FLRT2: variants seen among roughly 807,000 people sequenced by gnomAD.
FLRT2 encodes the protein leucine-rich repeat transmembrane protein FLRT2.
In FLRT2, 15 loss-of-function variants were observed where a neutral mutation model predicts 40.0. That is an observed-to-expected ratio of 0.38 (90% CI 0.25 to 0.58). The LOEUF is 0.58. Ranked by LOEUF, FLRT2 falls within the 20% of genes least tolerant of loss-of-function variation. The probability of loss-of-function intolerance (pLI) is 0.71; values close to 1 mark genes in which losing one functional copy is unlikely to be tolerated. For missense variants in FLRT2, 726 were observed against 840.0 expected, an observed-to-expected ratio of 0.86 and a Z score of 1.68; for synonymous variants, 380 against 336.8, an observed-to-expected ratio of 1.13 and a Z score of -1.41.
chr14:85,548,944 G>A (rs181489131), intron 1 of FLRT2, among the ~76,000 whole-genome samples: 15 of 152,322 alleles, frequency 9.8e-5, no homozygotes, highest in African/African-American at 3.4e-4. Context: ...CAGAAGAGAA[G>A]AAGTAGCTGG....
At chr14:85,566,283 G>A (rs1435986548) in intron 1 of FLRT2, among the ~76,000 whole-genome samples, 2 of 152,112 alleles carry the variant, frequency 1.3e-5, no homozygotes, top group African/African-American at 4.8e-5. Flanking sequence ...CCACACATGC[G>A]TGGGTCAGGG....
chr14:85,533,739 C>A (rs111276436), intron 1 of FLRT2, among the ~76,000 whole-genome samples: 1 of 151,890 alleles, frequency 6.6e-6, no homozygotes, highest in Non-Finnish European at 1.5e-5. Flanking sequence ...CCGTAGGGGA[C>A]GTAGGCGAGA....
In FLRT2 at chr14:85,555,650, C is replaced by T. The variant is rs184767259; in HGVS notation, c.-377+25116C>T. ...GGTTTGGGTGGGCACACAGCCTAAC[C>T]GTATCAAGCAGTTTAACTATTTCTC... is the stretch of plus-strand genomic sequence containing the variant. On this transcript the variant is annotated intron_variant, in intron 1 of 1. Coordinates refer to ENST00000330753, the MANE Select transcript of FLRT2 (RefSeq NM_013231.6). Among the ~76,000 whole-genome samples the T allele has an allele frequency of 6.1e-3, 927 of 151,168 alleles. 9 individuals carry two copies. Among genetic ancestry groups the T allele is most frequent in the African/African-American group, 0.021 (885 of 41,362 alleles).
chr14:85,596,932 A>C (rs1892165627), intron 1 of FLRT2, among the ~76,000 whole-genome samples: 2 of 152,222 alleles, frequency 1.3e-5, no homozygotes, highest in Admixed American at 1.3e-4. Context: ...CGTCAAAGTC[A>C]AGGTGAAAGC....
chr14:85,609,939 C>G (rs898892137), intron 1 of FLRT2, among the ~76,000 whole-genome samples: 35 of 152,186 alleles, frequency 2.3e-4, no homozygotes, highest in African/African-American at 8.2e-4. Context: ...CAATGGTTTT[C>G]TTCACCACAC....
At chr14:85,599,710 T>C (rs2746996) in intron 1 of FLRT2, among the ~76,000 whole-genome samples, 25,290 of 152,138 alleles carry the variant, frequency 0.17, 2,658 homozygotes, top group East Asian at 0.54. Context: ...CCTCCCCCCG[T>C]CTTTCCTTCT....
intron 1 of FLRT2, among the ~76,000 whole-genome samples, chr14:85,620,804 G>A (rs1398881034): frequency 6.6e-6 from 1 of 152,116 alleles, no homozygotes; most frequent in African/African-American, 2.4e-5. Context: ...TGATTGAGTG[G>A]ATTCAGCAGT....
chr14:85,570,661 A>G (rs1202056928), intron 1 of FLRT2, among the ~76,000 whole-genome samples: 3 of 151,446 alleles, frequency 2.0e-5, no homozygotes, highest in African/African-American at 7.3e-5. Flanking sequence ...GGCTCACTGC[A>G]AGCTCTGCCT....
chr14:85,605,642 C>T (rs1456276224), intron 1 of FLRT2, among the ~76,000 whole-genome samples: 1 of 152,028 alleles, frequency 6.6e-6, no homozygotes. Flanking sequence ...TGGTGGCGGG[C>T]ACCTGTAGTC....
intron 1 of FLRT2, among the ~76,000 whole-genome samples, chr14:85,572,896 G>A (rs1890955632): frequency 6.6e-6 from 1 of 152,042 alleles, no homozygotes; most frequent in Admixed American, 6.6e-5. Flanking sequence ...TGTGGAACCT[G>A]GATTTGAACA....
At chr14:85,575,532 G>A (rs948222984) in intron 1 of FLRT2, among the ~76,000 whole-genome samples, 2 of 152,146 alleles carry the variant, frequency 1.3e-5, no homozygotes, top group Non-Finnish European at 2.9e-5. Flanking sequence ...AGACACAGTG[G>A]TGATCCCAGG....
intron 1 of FLRT2, among the ~76,000 whole-genome samples, chr14:85,534,551 A>C (rs1888524575): frequency 6.6e-6 from 1 of 152,050 alleles, no homozygotes. Flanking sequence ...TTCAGGGGTG[A>C]GGTGAAACGT....
intron 1 of FLRT2, chr14:85,551,695 T>A (rs1179521739): frequency 2.0e-5 from 3 of 152,202 alleles, no homozygotes; most frequent in Admixed American, 6.5e-5. Flanking sequence ...GTATTTTAGA[T>A]TTTAATGGAC....
In FLRT2 at chr14:85,628,806, T is replaced by C. The variant is rs548747043; in HGVS notation, c.*5309T>C. 1 of 152,322 alleles carries C rather than the reference T, an allele frequency of 6.6e-6. No homozygotes were observed. The highest frequency in any genetic ancestry group is 2.1e-4 in the South Asian group (1 of 4,828). 9.4% of individuals were successfully genotyped at this position (152,322 alleles called of 1,614,324 possible). ...TGTAAAGTAACATCTATGCTATTCT[T>C]GGGTACTTTTGCCAAGAGTTACAGA... On this transcript the variant is annotated 3_prime_UTR_variant, in exon 2 of 2. Transcript: ENST00000330753.
rs931845743 is a variant in FLRT2, at chr14:85,652,523, A to C, written c.*29026A>C. ...ACGTTCTTCATCTGATTAAACAAACAAAAAACCCATCTTTATTTTTAGACT... is the reference window on the plus strand; with the variant it reads ...ACGTTCTTCATCTGATTAAACAAACCAAAAACCCATCTTTATTTTTAGACT... On this transcript the variant is annotated 3_prime_UTR_variant, in exon 2 of 2. Transcript: ENST00000330753. 1 of 103,494 alleles carries C rather than the reference A, an allele frequency of 9.7e-6. No homozygotes were observed. Among genetic ancestry groups the C allele is most frequent in the African/African-American group, 4.3e-5 (1 of 23,366 alleles). The allele number at this position is 103,494 out of a possible 1,614,324, so 6.4% of individuals were successfully genotyped here.
At chr14:85,538,894 A>G (rs1030330320) in intron 1 of FLRT2, among the ~76,000 whole-genome samples, 1 of 152,158 alleles carries the variant, frequency 6.6e-6, no homozygotes, top group Non-Finnish European at 1.5e-5. Flanking sequence ...GTTCATCAGA[A>G]TCTAGCATCT....
Position 85,649,743 on chromosome 14 carries a change from GTTC to G in FLRT2, c.*26252_*26254del, listed in dbSNP as rs1347492869. 3 of 152,022 alleles carry G rather than the reference GTTC, an allele frequency of 2.0e-5. No individual in the cohort carries two copies. The highest frequency in any genetic ancestry group is 2.9e-5 in the Non-Finnish European group (2 of 67,964). 9.4% of individuals were successfully genotyped at this position (152,022 alleles called of 1,614,324 possible). On this transcript the variant is annotated 3_prime_UTR_variant, in exon 2 of 2. Coordinates refer to ENST00000330753, the MANE Select transcript of FLRT2 (RefSeq NM_013231.6). ...ATTAATATTTTTGTGTCAATGGTGA[GTTC>G]TTCTTTTTTCTTTACCTGAGTTGTA...
rs549269433 is a variant in FLRT2 at position 85,638,079 on chromosome 14, A to G, written c.*14582A>G. On this transcript the variant is annotated 3_prime_UTR_variant, in exon 2 of 2. Coordinates refer to ENST00000330753, the MANE Select transcript of FLRT2 (RefSeq NM_013231.6). ...TTATGATGGAAGCTGGGACTAGGTGACTTATTCTAAATGTAACAATTACCG... is the reference window on the plus strand; with the variant it reads ...TTATGATGGAAGCTGGGACTAGGTGGCTTATTCTAAATGTAACAATTACCG... The G allele has an allele frequency of 2.6e-5, 4 of 152,292 alleles. No individual in the cohort carries two copies. The highest frequency in any genetic ancestry group is 7.2e-5 in the African/African-American group (3 of 41,564). 9.4% of individuals were successfully genotyped at this position (152,292 alleles called of 1,614,324 possible).
rs1212997041 is a variant in FLRT2 at position 85,646,673 on chromosome 14, G to C, written c.*23176G>C. 2.6e-5 allele frequency: 4 copies of C among 152,140 alleles called. No individual in the cohort carries two copies. The highest frequency in any genetic ancestry group is 2.6e-4 in the Admixed American group (4 of 15,270). The allele number at this position is 152,140 out of a possible 1,614,324, so 9.4% of individuals were successfully genotyped here. A position where few individuals can be genotyped will look rare whatever the true frequency, so the allele number is the denominator to read the frequency against. On this transcript the variant is annotated 3_prime_UTR_variant, in exon 2 of 2. Coordinates refer to ENST00000330753, the MANE Select transcript of FLRT2 (RefSeq NM_013231.6). ...GCTCTACCACCCAGGCTGGAGTGCA[G>C]TGGCACAATCTTGGCTCAATGCAAC...
Sources: allele counts gnomAD v4.1 joint callset (sites outside exome capture counted in the v4.1 genomes callset), GRCh38; gene constraint gnomAD v4.1.1; transcripts MANE v1.5; gene names NCBI Gene and HGNC (gene_info 2026-07-23, HGNC 2026-07-21).